The following MAST3 variants were observed in gnomAD, a reference collection of about 807,000 sequenced individuals.
MAST3 encodes microtubule associated serine/threonine kinase 3, also known as microtubule-associated serine/threonine-protein kinase 3.
MAST3 carries 43 observed loss-of-function variants against 127.0 expected under a neutral mutation model. The observed-to-expected ratio is 0.34, with a 90% confidence interval of 0.27 to 0.44. MAST3 has a LOEUF of 0.44. MAST3 is among the 20% of genes least tolerant of loss of function. The pLI, the probability that MAST3 is intolerant of heterozygous loss-of-function variation, is 1.00. For synonymous variants in MAST3, 785 were observed against 809.2 expected, an observed-to-expected ratio of 0.97 and a Z score of 0.51; for missense variants, 1,390 against 1,919.1, an observed-to-expected ratio of 0.72 and a Z score of 5.15.
chr19:18,141,981 G>A lies in MAST3; in HGVS notation c.2305G>A (p.Val769Met), dbSNP rs763936560. Residue 769 changes from valine (V) to methionine (M), a missense_variant, in exon 21 of 28, where the codon GTG becomes ATG. By Grantham distance (21) the Val-to-Met change is conservative. This residue lies in a region of MAST3 where 816 missense variants were observed against 934.1 expected (regional missense o/e 0.87). Transcript: ENST00000687212. ...GGAGGAGGGGTGGGAGCGCAGCGAA[G>A]TGGACTATGGCCGCCGGCTGAGTGC... ...DREEGWERSE[V>M]DYGRRLSADI... 1 of 1,537,692 alleles carries A rather than the reference G, an allele frequency of 6.5e-7. No homozygotes were observed. Among genetic ancestry groups the A allele is most frequent in the Admixed American group, 1.9e-5 (1 of 53,580 alleles).
At chr19:18,106,764 T>C (rs547030742) in intron 1 of MAST3, among the ~76,000 whole-genome samples, 141 of 151,046 alleles carry the variant, frequency 9.3e-4, no homozygotes, top group African/African-American at 3.4e-3. Context: ...AGAGATGGGG[T>C]TTCACCATGT....
intron 27 of MAST3, among the ~76,000 whole-genome samples, chr19:18,148,767 G>A (rs1474929333): frequency 6.6e-6 from 1 of 152,162 alleles, no homozygotes; most frequent in Non-Finnish European, 1.5e-5. Context: ...GCCAGATGTG[G>A]TGGCACATGC....
At chr19:18,146,740 G>A in intron 25 of MAST3, 141 bp from the exon 26 acceptor site, 1 of 714,208 alleles carries the variant, frequency 1.4e-6, no homozygotes, top group Non-Finnish European at 2.3e-6. Context: ...ATATTGGGTA[G>A]GTCACTGGTT....
intron 12 of MAST3, 96 bp from the exon 13 acceptor site, chr19:18,128,770 C>T: frequency 1.1e-6 from 1 of 935,866 alleles, no homozygotes; most frequent in Non-Finnish European, 1.7e-6. Context: ...GAGGAGGTAG[C>T]ATCGGGCACC....
chr19:18,119,134 A>C (rs916713938), intron 3 of MAST3, among the ~76,000 whole-genome samples: 3 of 152,198 alleles, frequency 2.0e-5, no homozygotes, highest in Non-Finnish European at 4.4e-5. Flanking sequence ...TTGAACAAAC[A>C]GTCGGCCCTG....
chr19:18,138,775 A>C (rs1271876529), intron 19 of MAST3, among the ~76,000 whole-genome samples: 1 of 152,072 alleles, frequency 6.6e-6, no homozygotes, highest in African/African-American at 2.4e-5. Context: ...CTGGGATTAC[A>C]GGCGTGAGCC....
chr19:18,147,100 T>A, intron 26 of MAST3, 56 bp downstream of exon 26: 2 of 23,540 alleles, frequency 8.5e-5, no homozygotes, highest in Non-Finnish European at 9.8e-5. Flanking sequence ...TTCTTTTTCC[T>A]TTTTTTTTTT....
In MAST3 at chr19:18,141,953, C is replaced by T; in HGVS notation, c.2277C>T (p.Asp759=). 1 of 1,558,318 alleles carries T rather than the reference C, an allele frequency of 6.4e-7. No homozygotes were observed. Among genetic ancestry groups the T allele is most frequent in the South Asian group, 1.2e-5 (1 of 81,610 alleles). The change falls in exon 21 of 28, where the codon GAC becomes GAT. Residue 759 remains aspartate, a synonymous_variant. Coordinates refer to ENST00000687212, the MANE Select transcript of MAST3 (RefSeq NM_001393504.1). The part of the protein sequence containing the change: ...PTFAERSFSE[D]REEGWERSEV... ...TCGCTGAAAGGAGCTTCAGTGAAGA[C>T]CGGGAGGAGGGGTGGGAGCGCAGCG...
intron 3 of MAST3, among the ~76,000 whole-genome samples, chr19:18,117,346 T>C (rs182235108): frequency 3.0e-4 from 46 of 152,300 alleles, no homozygotes; most frequent in Admixed American, 2.0e-3. Context: ...AATTTCACAG[T>C]TGAGGAGACT....
intron 3 of MAST3, among the ~76,000 whole-genome samples, chr19:18,114,958 G>A (rs1171484463): frequency 1.3e-5 from 2 of 152,168 alleles, no homozygotes; most frequent in Non-Finnish European, 2.9e-5. Flanking sequence ...TTGAACGGGG[G>A]TGTCTGTATA....
intron 19 of MAST3, 55 bp downstream of exon 19, chr19:18,137,416 C>T: frequency 1.3e-6 from 2 of 1,573,036 alleles, no homozygotes; most frequent in South Asian, 1.2e-5. Flanking sequence ...ATCCCTCAGT[C>T]CCTGGGGGCA....
rs1384832510 is a variant in MAST3 at position 18,144,500 on chromosome 19, G to C, written c.2619G>C (p.Arg873=). The change falls in exon 23 of 28, where the codon CGG becomes CGC. Residue 873 remains arginine (R), a synonymous_variant. Transcript: ENST00000687212. The surrounding 1 kb of genome is among the most constrained non-coding windows in gnomAD (Gnocchi z 4.0). ...DTAALSHARL[R]SNSIGARHST... Reference sequence around the variant, plus strand: ...CTGCTCTCAGCCACGCCCGCCTACGGAGCAATAGCATCGGCGCCCGACACT... The same window carrying C: ...CTGCTCTCAGCCACGCCCGCCTACGCAGCAATAGCATCGGCGCCCGACACT... The C allele has an allele frequency of 6.2e-7, 1 of 1,601,934 alleles. No homozygotes were observed. The highest frequency in any genetic ancestry group is 1.1e-5 in the South Asian group (1 of 89,864).
chr19:18,116,926 T>A (rs1222602678), intron 3 of MAST3, among the ~76,000 whole-genome samples: 10 of 114,166 alleles, frequency 8.8e-5, no homozygotes, highest in East Asian at 2.5e-4. Flanking sequence ...AAAAAAAAAA[T>A]TTGTCTCTTT....
At chr19:18,122,565 TC>T in intron 5 of MAST3, 107 bp from the exon 6 acceptor site, 1 of 897,038 alleles carries the variant, frequency 1.1e-6, no homozygotes. Context: ...TTTCAGGAGA[TC>T]CTTCCTACAA....
Position 18,126,198 on chromosome 19 carries a change from G to T in MAST3, c.1078+1424G>T, listed in dbSNP as rs557366377. Among the ~76,000 whole-genome samples the T allele has an allele frequency of 4.6e-5, 7 of 151,858 alleles. No individual in the cohort carries two copies. In the South Asian group the frequency reaches 1.5e-3, roughly 32 times the overall value. On this transcript the variant is annotated intron_variant, in intron 11 of 27. Coordinates refer to ENST00000687212, the MANE Select transcript of MAST3 (RefSeq NM_001393504.1). ...GATCACACCACTGTCCTCCAGCCTG[G>T]GTGACAAAGCCAGACCCTGTCTCAA...
chr19:18,124,563 T>C, intron 10 of MAST3, 79 bp from the exon 11 acceptor site: 2 of 1,494,504 alleles, frequency 1.3e-6, no homozygotes, highest in Non-Finnish European at 1.8e-6. Context: ...GGAAGGGTGC[T>C]CCAGGCAGAG....
chr19:18,146,774 T>G, intron 25 of MAST3, 107 bp from the exon 26 acceptor site: 1 of 1,048,012 alleles, frequency 9.5e-7, no homozygotes, highest in South Asian at 1.7e-5. Context: ...GATGCTGGGG[T>G]GGTGGGTCCC....
chr19:18,121,296 A>G (rs1211118123), intron 3 of MAST3, among the ~76,000 whole-genome samples: 3 of 152,112 alleles, frequency 2.0e-5, no homozygotes, highest in African/African-American at 7.2e-5. Context: ...AGCTGGGACT[A>G]CAGGCGTGCA....
chr19:18,144,361 AGGC>A lies in MAST3; in HGVS notation c.2585-104_2585-102del. 2 of 990,002 alleles carry A rather than the reference AGGC, an allele frequency of 2.0e-6. No individual in the cohort carries two copies. The highest frequency in any genetic ancestry group is 3.0e-6 in the Non-Finnish European group (2 of 657,034). 61.3% of individuals were successfully genotyped at this position (990,002 alleles called of 1,614,324 possible). On this transcript the variant is annotated intron_variant, in intron 22 of 27. Transcript: ENST00000687212. The surrounding 1 kb of genome is among the most constrained non-coding windows in gnomAD (Gnocchi z 4.0). ...GGGAACTGCATGAGCAAAGGCCAGG[AGGC>A]TGGACTGTGTAAATAGTGACCAGGG...
Sources: allele counts gnomAD v4.1 joint callset (sites outside exome capture counted in the v4.1 genomes callset), GRCh38; gene constraint gnomAD v4.1.1; regional missense constraint gnomAD v4.1.1; non-coding constraint Gnocchi (gnomAD v3.1); transcripts MANE v1.5; gene names NCBI Gene and HGNC (gene_info 2026-07-23, HGNC 2026-07-21).